Variants in RAB28 observed in about 807,000 individuals in gnomAD.
The protein encoded by RAB28 is ras-related protein Rab-28.
RAB28 carries 24 observed loss-of-function variants against 31.7 expected under a neutral mutation model. That is an observed-to-expected ratio of 0.76 (90% CI 0.55 to 1.06). The LOEUF is 1.06. Ranked by LOEUF, RAB28 falls within the 50% of genes least tolerant of loss-of-function variation. The probability of loss-of-function intolerance (pLI) is 0.00; values close to 1 mark genes in which losing one functional copy is unlikely to be tolerated. For synonymous variants in RAB28, 100 were observed against 90.4 expected (o/e 1.11, Z -0.60); for missense variants, 254 against 258.5 (o/e 0.98, Z 0.12).
intron 5 of RAB28, among the ~76,000 whole-genome samples, chr4:13,376,861 A>ATT (rs1728943847): frequency 6.6e-6 from 1 of 152,178 alleles, no homozygotes; most frequent in African/African-American, 2.4e-5. Flanking sequence ...TTTTCTCTAA[A>ATT]CACACACATG....
intron 4 of RAB28, among the ~76,000 whole-genome samples, chr4:13,421,254 G>A (rs1713121380): frequency 6.6e-6 from 1 of 152,254 alleles, no homozygotes; most frequent in African/African-American, 2.4e-5. Flanking sequence ...TGAAATAAAA[G>A]AGAACACAAA....
At chr4:13,390,967 G>C (rs1229163008) in intron 4 of RAB28, among the ~76,000 whole-genome samples, 1 of 152,026 alleles carries the variant, frequency 6.6e-6, no homozygotes, top group East Asian at 1.9e-4. Flanking sequence ...AGAAAACCTG[G>C]GCAATACAAT....
chr4:13,407,846 A>G (rs1712194520), intron 4 of RAB28, among the ~76,000 whole-genome samples: 1 of 152,108 alleles, frequency 6.6e-6, no homozygotes, highest in African/African-American at 2.4e-5. Context: ...GAATGCCTGC[A>G]ATTTTTGCAC....
At chr4:13,467,236 A>G (rs956505195) in intron 3 of RAB28, among the ~76,000 whole-genome samples, 1 of 151,976 alleles carries the variant, frequency 6.6e-6, no homozygotes, top group Admixed American at 6.6e-5. Context: ...GCTTGAATTA[A>G]TTATTTCACA....
intron 4 of RAB28, among the ~76,000 whole-genome samples, chr4:13,394,807 C>CT (rs139048728): frequency 2.3e-3 from 349 of 152,212 alleles, no homozygotes; most frequent in African/African-American, 7.9e-3. Flanking sequence ...ATTACTCTAG[C>CT]TACCATGAGG....
At chr4:13,394,511 T>C (rs1729786321) in intron 4 of RAB28, among the ~76,000 whole-genome samples, 1 of 152,156 alleles carries the variant, frequency 6.6e-6, no homozygotes, top group Non-Finnish European at 1.5e-5. Flanking sequence ...TAACAGGCCA[T>C]GTAACAGTAG....
At position 13,403,087 on chromosome 4, in the gene RAB28, G is replaced by A. The variant is rs534270838; in HGVS notation, c.392-21493C>T. ...TGGGATTACAGGTGTGAGTCAGTGC[G>A]CCCGGACCCTGGCTCACATATTCTT... On this transcript the variant is annotated intron_variant, in intron 4 of 6. Coordinates refer to ENST00000330852, the MANE Select transcript of RAB28 (RefSeq NM_001017979.3). 3.3e-4 allele frequency among the ~76,000 whole-genome samples: 50 copies of A among 152,204 alleles called. No homozygotes were observed. In the South Asian group the frequency reaches 3.7e-3, roughly 11 times the overall value.
At chr4:13,414,036 C>G (rs1361340154) in intron 4 of RAB28, among the ~76,000 whole-genome samples, 2 of 152,158 alleles carry the variant, frequency 1.3e-5, no homozygotes, top group Non-Finnish European at 2.9e-5. Context: ...CCCCGTTCCA[C>G]AAGAGCCAAT....
intron 4 of RAB28, among the ~76,000 whole-genome samples, chr4:13,395,985 T>C (rs1174188196): frequency 6.6e-6 from 1 of 152,028 alleles, no homozygotes; most frequent in East Asian, 1.9e-4. Flanking sequence ...TATCAATTAA[T>C]TGTATTATTA....
chr4:13,374,974 C>G (rs1016768214), intron 6 of RAB28, among the ~76,000 whole-genome samples: 1 of 152,128 alleles, frequency 6.6e-6, no homozygotes, highest in African/African-American at 2.4e-5. Context: ...CCAAACTGCT[C>G]TTCTGTTTCC....
At chr4:13,477,278 TG>T (rs953437783) in intron 2 of RAB28, among the ~76,000 whole-genome samples, 1 of 151,504 alleles carries the variant, frequency 6.6e-6, no homozygotes, top group African/African-American at 2.4e-5. Context: ...TGCAAAGTAA[TG>T]ATCTTGAAAA....
At chr4:13,371,880 G>T (rs1371564015) in intron 6 of RAB28, 2 of 1,523,950 alleles carry the variant, frequency 1.3e-6, no homozygotes, top group South Asian at 1.2e-5. Context: ...AAGAGGAAAA[G>T]AGTTATATGG....
In RAB28 at chr4:13,473,249, A is replaced by C. The variant is rs1716201504; in HGVS notation, c.261+1069T>G. Among the ~76,000 whole-genome samples the C allele has an allele frequency of 2.6e-5, 4 of 152,044 alleles. No homozygotes were observed. The South Asian group carries it at 8.3e-4, about 31-fold the overall frequency. ...TATAGAATCATTTATTATGAGCAAC[A>C]TGTTTCCACATAACCAAGTTGTATT... On this transcript the variant is annotated intron_variant, in intron 3 of 6. Transcript: ENST00000330852.
chr4:13,419,570 T>C (rs1712999159), intron 4 of RAB28, among the ~76,000 whole-genome samples: 1 of 152,144 alleles, frequency 6.6e-6, no homozygotes, highest in Non-Finnish European at 1.5e-5. Flanking sequence ...CACAGTGCAA[T>C]CAAATTAGAA....
At chr4:13,416,482 C>T (rs754748053) in intron 4 of RAB28, among the ~76,000 whole-genome samples, 33 of 152,278 alleles carry the variant, frequency 2.2e-4, no homozygotes, top group Admixed American at 9.2e-4. Flanking sequence ...CAATTCCGGA[C>T]ACAGTATGTT....
chr4:13,369,925 T>C lies in RAB28; in HGVS notation c.574-1275A>G, dbSNP rs932466353. The C allele has an allele frequency of 3.7e-6, 6 of 1,612,618 alleles. No individual in the cohort carries two copies. In the African/African-American group the frequency reaches 6.7e-5, roughly 18 times the overall value. ...CTGAGTAGAGGTGGTATGTTGATTT[T>C]CTTCTTCCGGGTACTTCACTATTTC... On this transcript the variant is annotated intron_variant, in intron 6 of 6. Coordinates refer to ENST00000330852, the MANE Select transcript of RAB28 (RefSeq NM_001017979.3).
In RAB28 at chr4:13,376,544, C is replaced by T. The variant is rs1213168220; in HGVS notation, c.573+1G>A. The T allele has an allele frequency of 6.3e-7, 1 of 1,593,548 alleles. No individual in the cohort carries two copies. The highest frequency in any genetic ancestry group is 2.3e-5 in the East Asian group (1 of 44,348). Reference sequence around the variant, plus strand: ...TTAAATATAAAGTTCAAGGTAATCACCTGTGACTGTTCTATTTCTGCTTTG... The same window carrying T: ...TTAAATATAAAGTTCAAGGTAATCATCTGTGACTGTTCTATTTCTGCTTTG... On this transcript the variant is annotated splice_donor_variant, in intron 6 of 6. Coordinates refer to ENST00000330852, the MANE Select transcript of RAB28 (RefSeq NM_001017979.3). LOFTEE classifies it high-confidence loss of function.
Position 13,387,435 on chromosome 4 carries a change from A to G in RAB28, c.392-5841T>C, listed in dbSNP as rs557104318. 9.9e-5 allele frequency among the ~76,000 whole-genome samples: 15 copies of G among 152,212 alleles called. No individual in the cohort carries two copies. In the South Asian group the frequency reaches 2.9e-3, roughly 29 times the overall value. ...AGGGAAAAACATTAACAAAACTTGT[A>G]CCATTGGAGAAATGTTATTTCTGTT... On this transcript the variant is annotated intron_variant, in intron 4 of 6. Coordinates refer to ENST00000330852, the MANE Select transcript of RAB28 (RefSeq NM_001017979.3).
Position 13,460,746 on chromosome 4 carries a change from C to A in RAB28, c.344G>T (p.Ser115Ile). Residue 115 changes from serine to isoleucine, a missense_variant, in exon 4 of 7, where the codon AGC (serine) becomes ATC (isoleucine). Coordinates refer to ENST00000330852, the MANE Select transcript of RAB28 (RefSeq NM_001017979.3). ...EDWYTVVKKV[S>I]EESETQPLVA... is the part of the protein sequence containing the mutation. The stretch of plus-strand genomic sequence containing the variant: ...CAGTGGCTGAGTTTCTGACTCCTCG[C>A]TCACTTTCTTCACCACAGTATACCA... The A allele has an allele frequency of 6.2e-7, 1 of 1,614,080 alleles. No homozygotes were observed. Among genetic ancestry groups the A allele is most frequent in the Non-Finnish European group, 8.5e-7 (1 of 1,179,962 alleles).
Sources: gnomAD v4.1 joint callset for allele counts (sites outside exome capture counted in the v4.1 genomes callset) on GRCh38, gnomAD v4.1.1 for gene constraint, MANE v1.5 for transcripts, NCBI Gene and HGNC (gene_info 2026-07-23, HGNC 2026-07-21) for gene names.